The following SLC1A6 variants were observed in gnomAD, a reference collection of about 807,000 sequenced individuals.
The protein encoded by SLC1A6 is solute carrier family 1 member 6.
In SLC1A6, 15 loss-of-function variants were observed where a neutral mutation model predicts 42.1. That is an observed-to-expected ratio of 0.36 (90% CI 0.24 to 0.55). The LOEUF (loss-of-function observed/expected upper bound fraction) is 0.55, where lower values mean the gene tolerates loss of function less well. Among genes scored for constraint, SLC1A6 ranks in the 20% least tolerant of loss-of-function variants. SLC1A6 has a pLI of 0.88. For synonymous variants in SLC1A6, 317 were observed against 319.7 expected, an observed-to-expected ratio of 0.99 and a Z score of 0.09; for missense variants, 542 against 772.5, an observed-to-expected ratio of 0.70 and a Z score of 3.54.
chr19:14,962,089 C>T lies in SLC1A6; in HGVS notation c.848G>A (p.Gly283Asp). The change falls in exon 6 of 10, where the codon GGT (glycine) becomes GAT (aspartate). Residue 283 changes from glycine to aspartate, a missense_variant. Physicochemically the swap from Gly to Asp is moderately conservative, Grantham distance 94. Around this residue, in one of 6 missense-constraint regions of SLC1A6, gnomAD observed 298 missense variants for 419.4 expected, o/e 0.71. Coordinates refer to ENST00000594383, the MANE Select transcript of SLC1A6 (RefSeq NM_005071.3). ...VFSVAFGLVI[G>D]GMKHKGRVLR... is the part of the protein sequence containing the mutation. Reference sequence around the variant, plus strand: ...GACTCTGCCCTTGTGTTTCATGCCACCAATGACCAGCCCAAAGGCCACAGA... The same window carrying T: ...GACTCTGCCCTTGTGTTTCATGCCATCAATGACCAGCCCAAAGGCCACAGA... The T allele has an allele frequency of 1.9e-6, 3 of 1,614,210 alleles. No homozygotes were observed. Among genetic ancestry groups the T allele is most frequent in the Non-Finnish European group, 2.5e-6 (3 of 1,180,036 alleles).
At chr19:14,991,758 C>CA (rs1410992629) in intron 1 of SLC1A6, among the ~76,000 whole-genome samples, 3 of 150,762 alleles carry the variant, frequency 2.0e-5, no homozygotes, top group Admixed American at 6.6e-5. Context: ...AAAATGAATG[C>CA]AAAAAAATCC....
chr19:15,006,371 T>C lies in SLC1A6; in HGVS notation c.6+4114A>G, dbSNP rs186764315. 3.3e-3 allele frequency among the ~76,000 whole-genome samples: 497 copies of C among 152,310 alleles called. 9 individuals carry two copies. The highest frequency in any genetic ancestry group is 8.1e-4 in the Non-Finnish European group (55 of 68,040). On this transcript the variant is annotated intron_variant, in intron 1 of 8. Coordinates refer to the SLC1A6 transcript ENST00000430939. ...TCCTCCTGATGCTCATGAAAATTTG[T>C]TGAACCAGATACCACTGGTCCCAGC...
chr19:15,000,765 A>T (rs1364584575), intron 1 of SLC1A6, among the ~76,000 whole-genome samples: 1 of 152,182 alleles, frequency 6.6e-6, no homozygotes, highest in Non-Finnish European at 1.5e-5. Context: ...GTTCTCTTAT[A>T]CACATGGCCA....
chr19:14,990,553 T>C (rs1395780093), intron 1 of SLC1A6, among the ~76,000 whole-genome samples: 2 of 152,164 alleles, frequency 1.3e-5, no homozygotes, highest in Non-Finnish European at 2.9e-5. Flanking sequence ...GCGGATCACC[T>C]GAGGTCAGGA....
upstream of SLC1A6, among the ~76,000 whole-genome samples, chr19:14,982,225 G>A (rs1017798302): frequency 2.0e-5 from 3 of 152,088 alleles, no homozygotes; most frequent in Non-Finnish European, 2.9e-5. Flanking sequence ...ATGGGCTTTC[G>A]CTAATAATAA....
At chr19:14,987,847 G>GT (rs2045800462) in intron 1 of SLC1A6, among the ~76,000 whole-genome samples, 3 of 152,120 alleles carry the variant, frequency 2.0e-5, no homozygotes, top group African/African-American at 7.2e-5. Context: ...TTCGGTTTTG[G>GT]CTTTTTTATT....
At chr19:14,965,150 G>A (rs945061962) in intron 4 of SLC1A6, among the ~76,000 whole-genome samples, 5 of 151,812 alleles carry the variant, frequency 3.3e-5, no homozygotes, top group Non-Finnish European at 7.4e-5. Context: ...CTCCCAAGTA[G>A]CTGGGATTAA....
At position 14,964,096 on chromosome 19, in the gene SLC1A6, T is replaced by G. The variant is rs2045546554; in HGVS notation, c.591+223A>C. The G allele has an allele frequency of 6.2e-6, 3 of 481,562 alleles. No homozygotes were observed. In the South Asian group the frequency reaches 9.8e-5, roughly 16 times the overall value. The allele number at this position is 481,562 out of a possible 1,614,324, so 29.8% of individuals were successfully genotyped here. A position where few individuals can be genotyped will look rare whatever the true frequency, so the allele number is the denominator to read the frequency against. On this transcript the variant is annotated intron_variant, in intron 5 of 9. Transcript: ENST00000594383. Reference sequence around the variant, plus strand: ...CTCCCACCTTGGCCTCCCTAAGTGCTGGGATTACAAGCCTGATCCACCATT... The same window carrying G: ...CTCCCACCTTGGCCTCCCTAAGTGCGGGGATTACAAGCCTGATCCACCATT...
chr19:14,996,776 C>T (rs1452412370), intron 1 of SLC1A6, among the ~76,000 whole-genome samples: 2 of 152,024 alleles, frequency 1.3e-5, no homozygotes, highest in South Asian at 2.1e-4. Flanking sequence ...CCAAGTCACT[C>T]GATCAATCAA....
chr19:15,008,257 A>T (rs2045906139), intron 1 of SLC1A6, among the ~76,000 whole-genome samples: 1 of 151,954 alleles, frequency 6.6e-6, no homozygotes, highest in South Asian at 2.1e-4. Context: ...AGGCAGAAGG[A>T]TGGCTTGATA....
At chr19:14,953,669 T>C (rs918459785) in intron 8 of SLC1A6, among the ~76,000 whole-genome samples, 1 of 152,150 alleles carries the variant, frequency 6.6e-6, no homozygotes, top group Non-Finnish European at 1.5e-5. Context: ...AGACCCGATA[T>C]GCCATTTTAA....
At chr19:14,970,789 G>A (rs945003068) in intron 3 of SLC1A6, among the ~76,000 whole-genome samples, 6 of 151,774 alleles carry the variant, frequency 4.0e-5, no homozygotes. Context: ...TCTCTGTAAG[G>A]CTTCCAGTCA....
chr19:14,994,145 TC>T (rs2045833884), intron 1 of SLC1A6, among the ~76,000 whole-genome samples: 1 of 152,120 alleles, frequency 6.6e-6, no homozygotes, highest in Admixed American at 6.5e-5. Flanking sequence ...CCATCTGTCC[TC>T]CCCTTGTTCT....
rs528146859 is a variant in SLC1A6, at chr19:15,008,459, T to G, written c.6+2026A>C. Among the ~76,000 whole-genome samples the G allele has an allele frequency of 3.3e-5, 5 of 152,104 alleles. No homozygotes were observed. In the South Asian group the frequency reaches 1.0e-3, roughly 32 times the overall value. On this transcript the variant is annotated intron_variant, in intron 1 of 8. Coordinates refer to the SLC1A6 transcript ENST00000430939. ...AAAGGGAAAGCTTATACACTGTTGG[T>G]GGGGATGCAAATTAGTACAACCTCT...
At chr19:14,976,408 T>C (rs2045711521) in intron 1 of SLC1A6, among the ~76,000 whole-genome samples, 1 of 152,248 alleles carries the variant, frequency 6.6e-6, no homozygotes, top group Non-Finnish European at 1.5e-5. Flanking sequence ...GTATTTTATC[T>C]ATGTTTCATT....
At chr19:14,967,387 C>T (rs76871811) in intron 4 of SLC1A6, among the ~76,000 whole-genome samples, 6,307 of 152,298 alleles carry the variant, frequency 0.041, 279 homozygotes, top group African/African-American at 0.099. Flanking sequence ...CCACCACCAA[C>T]AGCTGAACAG....
intron 1 of SLC1A6, among the ~76,000 whole-genome samples, chr19:14,992,831 A>T (rs1178255009): frequency 6.6e-6 from 1 of 152,122 alleles, no homozygotes; most frequent in Non-Finnish European, 1.5e-5. Context: ...CCCAGCTGCA[A>T]GGTGGAGCTT....
In SLC1A6 at chr19:14,979,207, G is replaced by A. The variant is rs2145221041; in HGVS notation, c.-8+102C>T. On this transcript the variant is annotated intron_variant, in intron 1 of 9. Transcript: ENST00000594383. This position sits in a 1 kb window ranked among gnomAD's most constrained non-coding sequence, Gnocchi z 4.2. ...AGCCCTATAAATGCACAAGGCATCG[G>A]GCTCGGTGCTGGAAACGTGCCTGTG... 1 of 152,368 alleles carries A rather than the reference G, an allele frequency of 6.6e-6. No individual in the cohort carries two copies. The highest frequency in any genetic ancestry group is 2.1e-4 in the South Asian group (1 of 4,822). 9.4% of individuals were successfully genotyped at this position (152,368 alleles called of 1,614,324 possible). A position where few individuals can be genotyped will look rare whatever the true frequency, so the allele number is the denominator to read the frequency against.
chr19:14,964,604 A>G (rs1416200329), intron 4 of SLC1A6, among the ~76,000 whole-genome samples: 2 of 152,200 alleles, frequency 1.3e-5, no homozygotes. Context: ...GAATTGATGT[A>G]AGCTACCCGG....
Sources: gnomAD v4.1 joint callset for allele counts (sites outside exome capture counted in the v4.1 genomes callset) on GRCh38, gnomAD v4.1.1 for gene constraint, gnomAD v4.1.1 regional missense constraint, Gnocchi (gnomAD v3.1) non-coding constraint, MANE v1.5 for transcripts, NCBI Gene and HGNC (gene_info 2026-07-23, HGNC 2026-07-21) for gene names.